CAST: variants seen among roughly 807,000 people sequenced by gnomAD.
The protein encoded by CAST is MIR583 host.
A neutral mutation model predicts 119.6 loss-of-function variants in CAST; 76 were observed. The ratio of observed to expected loss-of-function variants is 0.64; its 90% confidence interval spans 0.53 to 0.77. CAST has a LOEUF of 0.77. Ranked by LOEUF, CAST falls within the 30% of genes least tolerant of loss-of-function variation. The pLI is 0.00. For missense variants in CAST, 953 were observed against 946.5 expected, an observed-to-expected ratio of 1.01 and a Z score of -0.09; for synonymous variants, 319 against 331.6, an observed-to-expected ratio of 0.96 and a Z score of 0.41.
At chr5:96,017,715 C>G in the CAST span, among the ~76,000 whole-genome samples, 2 of 151,740 alleles carry the variant, frequency 1.3e-5, no homozygotes, top group East Asian at 3.9e-4. Context: ...ATATTAGGAC[C>G]CCTCTTAGCA....
the CAST span, among the ~76,000 whole-genome samples, chr5:96,463,580 A>G: frequency 5.9e-5 from 9 of 152,096 alleles, no homozygotes; most frequent in African/African-American, 1.9e-4. Flanking sequence ...TCTTAAAAAT[A>G]CTTAACCTCC....
chr5:96,490,474 T>C, the CAST span, among the ~76,000 whole-genome samples: 1 of 152,016 alleles, frequency 6.6e-6, no homozygotes, highest in Non-Finnish European at 1.5e-5. Flanking sequence ...GAAGAAGAAC[T>C]GCAAAATTGG....
chr5:96,387,558 T>A, the CAST span, among the ~76,000 whole-genome samples: 1 of 143,544 alleles, frequency 7.0e-6, no homozygotes, highest in Non-Finnish European at 1.5e-5. Context: ...TCTTAACATT[T>A]TGGGCTCAAA....
intron 30 of CAST, 129 bp downstream of exon 30, chr5:96,770,731 A>G (rs891325686): frequency 6.5e-6 from 4 of 616,698 alleles, no homozygotes; most frequent in South Asian, 3.9e-5. Flanking sequence ...TATCTATCCC[A>G]TAGCATCGCT....
chr5:96,589,341 T>A (rs10066456), intron 1 of CAST, among the ~76,000 whole-genome samples: 61,376 of 152,088 alleles, frequency 0.4, 13,149 homozygotes, highest in East Asian at 0.61. Flanking sequence ...AATTTGAATA[T>A]GAATAGACGT....
the CAST span, among the ~76,000 whole-genome samples, chr5:96,466,975 T>C: frequency 6.6e-6 from 1 of 152,134 alleles, no homozygotes; most frequent in Non-Finnish European, 1.5e-5. Flanking sequence ...TAATACTTTT[T>C]CCCTACATCT....
chr5:96,570,383 T>A (rs1039021398), intron 1 of CAST, among the ~76,000 whole-genome samples: 1 of 152,090 alleles, frequency 6.6e-6, no homozygotes, highest in Non-Finnish European at 1.5e-5. Flanking sequence ...GTTGTAGATA[T>A]CAAGGTAATG....
chr5:96,071,986 A>T, the CAST span, among the ~76,000 whole-genome samples: 1 of 152,170 alleles, frequency 6.6e-6, no homozygotes, highest in African/African-American at 2.4e-5. Context: ...ACATTTTCCA[A>T]TGAAAGGTTT....
At chr5:95,961,933 T>A in the CAST span, 3 of 619,246 alleles carry the variant, frequency 4.8e-6, no homozygotes, top group Admixed American at 7.7e-5. Context: ...CTCGTCTCAT[T>A]GGTCTTGTTC....
chr5:96,081,617 A>C, the CAST span, among the ~76,000 whole-genome samples: 1 of 152,144 alleles, frequency 6.6e-6, no homozygotes, highest in Admixed American at 6.5e-5. Flanking sequence ...TAGACTGACT[A>C]CTGAAGACCA....
the CAST span, among the ~76,000 whole-genome samples, chr5:95,985,003 A>AAATTTATAG: frequency 7.5e-6 from 1 of 133,122 alleles, no homozygotes; most frequent in African/African-American, 3.6e-5. Context: ...GGTTTCTAAA[A>AAATTTATAG]AATTTATAGT....
the CAST span, among the ~76,000 whole-genome samples, chr5:96,461,340 A>G: frequency 6.6e-6 from 1 of 152,106 alleles, no homozygotes; most frequent in African/African-American, 2.4e-5. Flanking sequence ...ACAAGTTTTT[A>G]TCTGGACTTC....
chr5:96,601,544 A>G (rs1747152457), intron 1 of CAST, among the ~76,000 whole-genome samples: 1 of 152,246 alleles, frequency 6.6e-6, no homozygotes. Context: ...ATTATTTACT[A>G]AATTAGATTA....
chr5:96,596,779 T>C (rs1580839524), intron 1 of CAST, among the ~76,000 whole-genome samples: 1 of 151,752 alleles, frequency 6.6e-6, no homozygotes, highest in Non-Finnish European at 1.5e-5. Flanking sequence ...TGCCAACAGG[T>C]TTTTTCTCAC....
chr5:96,432,832 C>T, the CAST span: 24 of 1,606,450 alleles, frequency 1.5e-5, no homozygotes, highest in Non-Finnish European at 2.0e-5. Flanking sequence ...CCTGGGGCCC[C>T]AGAAAGTTTC....
At chr5:96,596,291 C>A (rs2150192874) in intron 1 of CAST, among the ~76,000 whole-genome samples, 1 of 152,202 alleles carries the variant, frequency 6.6e-6, no homozygotes, top group African/African-American at 2.4e-5. Context: ...AAGATGAAAC[C>A]AGAGGCTGGA....
At chr5:96,102,202 A>G in the CAST span, among the ~76,000 whole-genome samples, 1 of 152,160 alleles carries the variant, frequency 6.6e-6, no homozygotes, top group Non-Finnish European at 1.5e-5. Context: ...TCCAAGAAGA[A>G]TGAAGTCACT....
the CAST span, among the ~76,000 whole-genome samples, chr5:96,427,010 T>A: frequency 6.6e-6 from 1 of 152,226 alleles, no homozygotes; most frequent in Non-Finnish European, 1.5e-5. Flanking sequence ...CCTCAATGCT[T>A]GGAATGCTGC....
the CAST span, among the ~76,000 whole-genome samples, chr5:96,015,051 G>A: frequency 6.6e-6 from 1 of 152,144 alleles, no homozygotes; most frequent in Non-Finnish European, 1.5e-5. Context: ...CAAAGATGAA[G>A]AGATTTATTA....
Sources: gnomAD v4.1 joint callset for allele counts (sites outside exome capture counted in the v4.1 genomes callset) on GRCh38, gnomAD v4.1.1 for gene constraint, MANE v1.5 for transcripts, NCBI Gene and HGNC (gene_info 2026-07-23, HGNC 2026-07-21) for gene names.